MAGI2: variants seen among roughly 807,000 people sequenced by gnomAD.
The protein encoded by MAGI2 is membrane-associated guanylate kinase, WW and PDZ domain-containing protein 2.
Under a neutral mutation model 133.3 loss-of-function variants are expected in MAGI2, and 35 were observed. The observed-to-expected ratio is 0.26, with a 90% CI of 0.20 to 0.35. The LOEUF (loss-of-function observed/expected upper bound fraction) is 0.35, where lower values mean the gene tolerates loss of function less well. Ranked by LOEUF, MAGI2 falls within the 10% of genes least tolerant of loss-of-function variation. The pLI, the probability that MAGI2 is intolerant of heterozygous loss-of-function variation, is 1.00. For missense variants in MAGI2, 1,636 were observed against 1,863.4 expected, an observed-to-expected ratio of 0.88 and a Z score of 2.25; for synonymous variants, 729 against 710.6, an observed-to-expected ratio of 1.03 and a Z score of -0.41.
intron 1 of MAGI2, among the ~76,000 whole-genome samples, chr7:79,028,320 T>C (rs1584730353): frequency 1.1e-4 from 3 of 27,476 alleles, no homozygotes; most frequent in African/African-American, 2.0e-4. Context: ...TATACACACA[T>C]ATATATACAT....
At chr7:78,716,072 A>C (rs1476746793) in intron 2 of MAGI2, among the ~76,000 whole-genome samples, 5 of 152,172 alleles carry the variant, frequency 3.3e-5, no homozygotes, top group African/African-American at 1.2e-4. Flanking sequence ...TGCTTCTGGG[A>C]ACAGAGAAAT....
intron 21 of MAGI2, among the ~76,000 whole-genome samples, chr7:78,065,288 T>G (rs188593414): frequency 1.3e-5 from 2 of 152,178 alleles, no homozygotes; most frequent in South Asian, 2.1e-4. Flanking sequence ...CTCTGAAATA[T>G]GTGGGGTGGA....
chr7:79,239,524 T>C (rs1585295675), intron 1 of MAGI2, among the ~76,000 whole-genome samples: 2 of 152,214 alleles, frequency 1.3e-5, no homozygotes, highest in South Asian at 4.1e-4. Context: ...TAAGATATGA[T>C]GTAACAAATG....
intron 20 of MAGI2, among the ~76,000 whole-genome samples, chr7:78,083,366 G>A (rs1816203631): frequency 8.4e-6 from 1 of 119,732 alleles, no homozygotes; most frequent in Admixed American, 8.6e-5. Flanking sequence ...TGGTGGGGGG[G>A]CGGGGGAGGG....
chr7:78,414,216 T>C (rs1474832455), intron 6 of MAGI2, among the ~76,000 whole-genome samples: 1 of 151,982 alleles, frequency 6.6e-6, no homozygotes, highest in Non-Finnish European at 1.5e-5. Flanking sequence ...AAAGGTTAGA[T>C]TGAATATGAT....
At chr7:78,477,962 C>T (rs1254552085) in intron 6 of MAGI2, among the ~76,000 whole-genome samples, 5 of 151,464 alleles carry the variant, frequency 3.3e-5, no homozygotes, top group African/African-American at 4.8e-5. Context: ...CTGGGGTACA[C>T]GTGCAGAACG....
chr7:78,093,805 C>T (rs901897993), intron 20 of MAGI2, among the ~76,000 whole-genome samples: 1 of 152,062 alleles, frequency 6.6e-6, no homozygotes, highest in African/African-American at 2.4e-5. Context: ...CAATTAATTG[C>T]CCAAGAGCTT....
intron 1 of MAGI2, among the ~76,000 whole-genome samples, chr7:79,054,748 T>C (rs1047005723): frequency 5.3e-5 from 8 of 152,198 alleles, no homozygotes; most frequent in African/African-American, 1.9e-4. Context: ...TAGTTCTGAC[T>C]CTACCTGGAA....
At chr7:78,514,997 A>G (rs1795920427) in intron 4 of MAGI2, among the ~76,000 whole-genome samples, 2 of 152,042 alleles carry the variant, frequency 1.3e-5, no homozygotes, top group African/African-American at 4.8e-5. Flanking sequence ...TCCTCTTGGC[A>G]TTGTGTGTGT....
At chr7:78,951,221 C>G (rs1319137781) in intron 2 of MAGI2, among the ~76,000 whole-genome samples, 1 of 152,112 alleles carries the variant, frequency 6.6e-6, no homozygotes, top group Non-Finnish European at 1.5e-5. Flanking sequence ...GATCCACCAC[C>G]TTAGCCTTCC....
chr7:78,664,630 T>A (rs1228410050), intron 2 of MAGI2, among the ~76,000 whole-genome samples: 1 of 151,974 alleles, frequency 6.6e-6, no homozygotes, highest in African/African-American at 2.4e-5. Context: ...TTTATCATTT[T>A]AAAAAACAAA....
rs1258668552 is a variant in MAGI2, at chr7:78,970,781, GCAAAGGATATAA to G, written c.418+36297_418+36308del. Among the ~76,000 whole-genome samples, 4 of 152,170 alleles carry G rather than the reference GCAAAGGATATAA, an allele frequency of 2.6e-5. No homozygotes were observed. The East Asian group carries it at 7.8e-4, about 30-fold the overall frequency. On this transcript the variant is annotated intron_variant, in intron 2 of 21. Transcript: ENST00000354212. ...AGAAACTAAGTTTTACTAATGGTTA[GCAAAGGATATAA>G]CAAAGGAGTCACAGCTTTCTTGTAT...
At chr7:78,086,642 T>A (rs1309474026) in intron 20 of MAGI2, among the ~76,000 whole-genome samples, 2 of 33,552 alleles carry the variant, frequency 6.0e-5, no homozygotes, top group Non-Finnish European at 1.6e-4. Flanking sequence ...ATTATTATTA[T>A]TTTTTTTTTT....
chr7:78,815,965 T>G (rs994317160), intron 2 of MAGI2, among the ~76,000 whole-genome samples: 6 of 152,204 alleles, frequency 3.9e-5, no homozygotes, highest in African/African-American at 1.4e-4. Context: ...GAGGAAGGCA[T>G]GTTGAAAGAC....
intron 2 of MAGI2, among the ~76,000 whole-genome samples, chr7:78,831,813 G>T (rs1330518097): frequency 6.6e-6 from 1 of 152,110 alleles, no homozygotes; most frequent in Non-Finnish European, 1.5e-5. Context: ...AAGATAAATT[G>T]TTCTAATTGA....
chr7:78,499,649 A>AC (rs1475602176), intron 5 of MAGI2, among the ~76,000 whole-genome samples: 2 of 18,782 alleles, frequency 1.1e-4, no homozygotes, highest in South Asian at 2.5e-3. Flanking sequence ...AATCACACAC[A>AC]AAAAAGGTTT....
intron 16 of MAGI2, among the ~76,000 whole-genome samples, chr7:78,153,174 A>G (rs1180613246): frequency 6.6e-6 from 1 of 152,260 alleles, no homozygotes; most frequent in Admixed American, 6.5e-5. Flanking sequence ...AAGGCAATCA[A>G]TGAACAAACC....
chr7:79,453,452 C>A lies in MAGI2; in HGVS notation c.-132G>T. 6.8e-7 allele frequency: 1 copy of A among 1,480,432 alleles called. No homozygotes were observed. Among genetic ancestry groups the A allele is most frequent in the East Asian group, 2.3e-5 (1 of 43,028 alleles). 91.7% of individuals were successfully genotyped at this position (1,480,432 alleles called of 1,614,324 possible). ...GACTTTGCCTTCGCCCCCCTCTATT[C>A]GGTGCTTTCCCTCTTCTTTGGATGG... is the stretch of plus-strand genomic sequence containing the variant. On this transcript the variant is annotated 5_prime_UTR_variant, in exon 1 of 22. Coordinates refer to ENST00000354212, the MANE Select transcript of MAGI2 (RefSeq NM_012301.4).
intron 9 of MAGI2, among the ~76,000 whole-genome samples, chr7:78,326,072 T>C (rs1216382183): frequency 6.6e-6 from 1 of 152,176 alleles, no homozygotes; most frequent in Non-Finnish European, 1.5e-5. Context: ...TCTCCTAGGC[T>C]TCAGGCATAA....
Sources: allele counts gnomAD v4.1 joint callset (sites outside exome capture counted in the v4.1 genomes callset), GRCh38; gene constraint gnomAD v4.1.1; transcripts MANE v1.5; gene names NCBI Gene and HGNC (gene_info 2026-07-23, HGNC 2026-07-21).